Variants in STAT4 observed in about 807,000 individuals in gnomAD.
The protein encoded by STAT4 is signal transducer and activator of transcription 4.
In STAT4, 42 loss-of-function variants were observed where a neutral mutation model predicts 110.5. The observed-to-expected ratio is 0.38, with a 90% CI of 0.30 to 0.49. The LOEUF (loss-of-function observed/expected upper bound fraction) is 0.49, where lower values mean the gene tolerates loss of function less well. Ranked by LOEUF, STAT4 falls within the 20% of genes least tolerant of loss-of-function variation. The probability of loss-of-function intolerance (pLI) is 0.95; values close to 1 mark genes in which losing one functional copy is unlikely to be tolerated. For missense variants in STAT4, 632 were observed against 887.9 expected (o/e 0.71, Z 3.66); for synonymous variants, 284 against 302.2 (o/e 0.94, Z 0.63).
intron 3 of STAT4, among the ~76,000 whole-genome samples, chr2:191,096,372 A>G (rs1697983023): frequency 6.6e-6 from 1 of 152,204 alleles, no homozygotes. Flanking sequence ...AATCCTCAAT[A>G]AACTACTGGC....
intron 3 of STAT4, among the ~76,000 whole-genome samples, chr2:191,126,741 G>C (rs1423037624): frequency 3.3e-5 from 5 of 152,192 alleles, no homozygotes; most frequent in Admixed American, 1.3e-4. Flanking sequence ...GGTTTCTTCT[G>C]TAAGTACCCA....
rs1695993768 is a variant in STAT4 at position 191,034,576 on chromosome 2, C to T, written c.1592G>A (p.Gly531Asp). ...KLTVQSSYSD[G>D]HLTWAKFCKE... ...GCAGAACTTGGCCCAGGTGAGGTGA[C>T]CATCACTGTAGCTAGATTGGACTGA... Residue 531 changes from glycine (G) to aspartate (D), a missense_variant, in exon 18 of 24, where the codon GGT becomes GAT. Gly to Asp is a moderately conservative substitution (Grantham distance 94). Coordinates refer to ENST00000392320, the MANE Select transcript of STAT4 (RefSeq NM_003151.4). 6.2e-7 allele frequency: 1 copy of T among 1,613,478 alleles called. No homozygotes were observed. Among genetic ancestry groups the T allele is most frequent in the Non-Finnish European group, 8.5e-7 (1 of 1,179,500 alleles).
At chr2:191,048,742 C>T (rs190322848) in intron 14 of STAT4, among the ~76,000 whole-genome samples, 40 of 136,548 alleles carry the variant, frequency 2.9e-4, no homozygotes, top group African/African-American at 9.6e-4. Context: ...GCTGAGATCA[C>T]GCCGCTGCAC....
chr2:191,121,653 C>T (rs1160869003), intron 3 of STAT4, among the ~76,000 whole-genome samples: 1 of 151,114 alleles, frequency 6.6e-6, no homozygotes, highest in Non-Finnish European at 1.5e-5. Context: ...CCATCATTCT[C>T]AGCAAATTAT....
chr2:191,045,243 C>A (rs919416514), intron 14 of STAT4, among the ~76,000 whole-genome samples: 1 of 152,096 alleles, frequency 6.6e-6, no homozygotes, highest in South Asian at 2.1e-4. Flanking sequence ...TGCAGTTAGT[C>A]CCTGATGAAA....
chr2:191,088,888 G>C (rs1697711154), intron 3 of STAT4, among the ~76,000 whole-genome samples: 1 of 152,162 alleles, frequency 6.6e-6, no homozygotes, highest in African/African-American at 2.4e-5. Flanking sequence ...TATGCAAAAA[G>C]TGAATCTAGA....
chr2:191,062,901 T>C lies in STAT4; in HGVS notation c.802A>G (p.Ser268Gly). Residue 268 changes from serine to glycine, a missense_variant, in exon 9 of 24, where the codon AGT (serine) becomes GGT (glycine). Ser to Gly is a moderately conservative substitution (Grantham distance 56). Coordinates refer to ENST00000392320, the MANE Select transcript of STAT4 (RefSeq NM_003151.4). This position sits in a 1 kb window ranked among gnomAD's most constrained non-coding sequence, Gnocchi z 4.9. Reference sequence around the variant, plus strand: ...AATTGCCTTCTCAGTTGGAAAAGACTTTCTGCCAATAGTGTAAAGCTATTG... The same window carrying C: ...AATTGCCTTCTCAGTTGGAAAAGACCTTCTGCCAATAGTGTAAAGCTATTG... The part of the protein sequence containing the change: ...LQNCFTLLAE[S>G]LFQLRRQLEK... The C allele has an allele frequency of 6.2e-7, 1 of 1,613,712 alleles. No individual in the cohort carries two copies. Among genetic ancestry groups the C allele is most frequent in the Non-Finnish European group, 8.5e-7 (1 of 1,179,810 alleles).
At chr2:191,048,549 G>A (rs1305385364) in intron 14 of STAT4, among the ~76,000 whole-genome samples, 1 of 151,662 alleles carries the variant, frequency 6.6e-6, no homozygotes. Context: ...GTTGAGGTGG[G>A]TGGATCATCT....
At position 191,116,715 on chromosome 2, in the gene STAT4, T is replaced by C. The variant is rs887827959; in HGVS notation, c.273+29898A>G. Among the ~76,000 whole-genome samples the C allele has an allele frequency of 6.6e-6, 1 of 152,154 alleles. No individual in the cohort carries two copies. Among genetic ancestry groups the C allele is most frequent in the African/African-American group, 2.4e-5 (1 of 41,442 alleles). On this transcript the variant is annotated intron_variant, in intron 3 of 23. Transcript: ENST00000392320. The surrounding 1 kb of genome is among the most constrained non-coding windows in gnomAD (Gnocchi z 4.1). ...TGTCCTCTTTGGTTCATCACATACC[T>C]CATGGGCAGGAGACACCTCTGTCTT...
rs1272585530 is a variant in STAT4, at chr2:191,135,579, T to C, written c.273+11034A>G. On this transcript the variant is annotated intron_variant, in intron 3 of 23. Transcript: ENST00000392320. The surrounding 1 kb of genome is among the most constrained non-coding windows in gnomAD (Gnocchi z 4.8). ...ACCTCCGCCTCCCAGGCTCAAGTGATTCTCCTCCTCATGAGTAGCTGGGAC... is the reference window on the plus strand; with the variant it reads ...ACCTCCGCCTCCCAGGCTCAAGTGACTCTCCTCCTCATGAGTAGCTGGGAC... Among the ~76,000 whole-genome samples the C allele has an allele frequency of 6.6e-6, 1 of 152,178 alleles. No homozygotes were observed. Among genetic ancestry groups the C allele is most frequent in the Admixed American group, 6.5e-5 (1 of 15,276 alleles).
chr2:191,059,208 C>T lies in STAT4; in HGVS notation c.1035-439G>A, dbSNP rs1696784216. The stretch of plus-strand genomic sequence containing the variant: ...GTGTTTTATGGTGAACATACTAAGA[C>T]AGAACTGTAGTAAAATATGGAAAAT... On this transcript the variant is annotated intron_variant, in intron 10 of 23. Transcript: ENST00000392320. This position sits in a 1 kb window ranked among gnomAD's most constrained non-coding sequence, Gnocchi z 4.7. Among the ~76,000 whole-genome samples, 1 of 152,088 alleles carries T rather than the reference C, an allele frequency of 6.6e-6. No homozygotes were observed. Among genetic ancestry groups the T allele is most frequent in the Non-Finnish European group, 1.5e-5 (1 of 68,008 alleles).
chr2:191,127,257 T>C (rs1462705312), intron 3 of STAT4, among the ~76,000 whole-genome samples: 1 of 152,186 alleles, frequency 6.6e-6, no homozygotes. Context: ...CCTTTGATGG[T>C]TCCCTATTAA....
chr2:191,129,514 A>C (rs1698973162), intron 3 of STAT4, among the ~76,000 whole-genome samples: 1 of 152,234 alleles, frequency 6.6e-6, no homozygotes, highest in Non-Finnish European at 1.5e-5. Flanking sequence ...CATTGTATCA[A>C]AACACATAAA....
In STAT4 at chr2:191,143,533, T is replaced by C. The variant is rs1047230716; in HGVS notation, c.273+3080A>G. On this transcript the variant is annotated intron_variant, in intron 3 of 23. Transcript: ENST00000392320. The surrounding 1 kb of genome is among the most constrained non-coding windows in gnomAD (Gnocchi z 5.6). ...GAATTTGCCATCGGGAAACTGGTTTTGTTTTGTCCTTTATAGCAAGCCATT... is the reference window on the plus strand; with the variant it reads ...GAATTTGCCATCGGGAAACTGGTTTCGTTTTGTCCTTTATAGCAAGCCATT... Among the ~76,000 whole-genome samples, 14 of 152,230 alleles carry C rather than the reference T, an allele frequency of 9.2e-5. No individual in the cohort carries two copies. The highest frequency in any genetic ancestry group is 3.4e-4 in the African/African-American group (14 of 41,458).
rs1171452415 is a variant in STAT4, at chr2:191,034,008, A to G, written c.1621-3T>C. ...AATGATTTACCAGGTAAATGTTCCT[A>G]CAGGAATAGACAAGCACATTAAGAC... On this transcript the variant is annotated splice_region_variant and splice_polypyrimidine_tract_variant and intron_variant, in intron 18 of 23. Coordinates refer to ENST00000392320, the MANE Select transcript of STAT4 (RefSeq NM_003151.4). 1 of 1,566,938 alleles carries G rather than the reference A, an allele frequency of 6.4e-7. No homozygotes were observed. Among genetic ancestry groups the G allele is most frequent in the Admixed American group, 1.8e-5 (1 of 56,636 alleles).
At chr2:191,106,847 C>T (rs1282609669) in intron 3 of STAT4, among the ~76,000 whole-genome samples, 1 of 152,002 alleles carries the variant, frequency 6.6e-6, no homozygotes, top group Non-Finnish European at 1.5e-5. Context: ...AGGGCAGATC[C>T]TGTTGTTAGG....
chr2:191,131,888 C>T, intron 3 of STAT4: 1 of 1,443,180 alleles, frequency 6.9e-7, no homozygotes, highest in African/African-American at 1.5e-5. Context: ...TGTGCTGTAG[C>T]CAACCCTGGG....
At position 191,051,639 on chromosome 2, in the gene STAT4, T is replaced by C. The variant is rs1696524601; in HGVS notation, c.1251+2851A>G. Among the ~76,000 whole-genome samples the C allele has an allele frequency of 6.6e-6, 1 of 152,168 alleles. No individual in the cohort carries two copies. The highest frequency in any genetic ancestry group is 2.1e-4 in the South Asian group (1 of 4,818). ...AATTATGGTGTGAGACAGACATGAT[T>C]TCGGAGCAGGTGGGTGAGGTGCAGA... On this transcript the variant is annotated intron_variant, in intron 14 of 23. Coordinates refer to ENST00000392320, the MANE Select transcript of STAT4 (RefSeq NM_003151.4). The surrounding 1 kb of genome is among the most constrained non-coding windows in gnomAD (Gnocchi z 5.6).
In STAT4 at chr2:191,132,817, T is replaced by G. The variant is rs994480544; in HGVS notation, c.273+13796A>C. Reference sequence around the variant, plus strand: ...TCGCCCAGGCTGGAGTGCAGTGGCGTGATCTCGGCTCACTGCAAGCTCCGC... The same window carrying G: ...TCGCCCAGGCTGGAGTGCAGTGGCGGGATCTCGGCTCACTGCAAGCTCCGC... On this transcript the variant is annotated intron_variant, in intron 3 of 23. Transcript: ENST00000392320. Among the ~76,000 whole-genome samples, 156 of 149,808 alleles carry G rather than the reference T, an allele frequency of 1.0e-3. 2 individuals are homozygous for G. The highest frequency in any genetic ancestry group is 5.2e-3 in the Admixed American group (79 of 15,088).
Sources: gnomAD v4.1 joint callset for allele counts (sites outside exome capture counted in the v4.1 genomes callset) on GRCh38, gnomAD v4.1.1 for gene constraint, Gnocchi (gnomAD v3.1) non-coding constraint, MANE v1.5 for transcripts, NCBI Gene and HGNC (gene_info 2026-07-23, HGNC 2026-07-21) for gene names.